PRKG2: variants seen among roughly 807,000 people sequenced by gnomAD.
PRKG2 encodes the protein cGMP-dependent protein kinase 2.
PRKG2 carries 33 observed loss-of-function variants against 97.2 expected under a neutral mutation model. That is an observed-to-expected ratio of 0.34 (90% confidence interval 0.26 to 0.45). The LOEUF (loss-of-function observed/expected upper bound fraction) is 0.45. Among genes scored for constraint, PRKG2 ranks in the 20% least tolerant of loss-of-function variants. PRKG2 has a pLI of 1.00. For missense variants in PRKG2, 638 were observed against 900.0 expected, an observed-to-expected ratio of 0.71 and a Z score of 3.73; for synonymous variants, 330 against 321.8, an observed-to-expected ratio of 1.03 and a Z score of -0.27.
intron 2 of PRKG2, among the ~76,000 whole-genome samples, chr4:81,196,243 G>C (rs1447008251): frequency 6.6e-6 from 1 of 152,178 alleles, no homozygotes; most frequent in Non-Finnish European, 1.5e-5. Context: ...ACCTCTTCCT[G>C]TAGAAAGCTC....
intron 14 of PRKG2, among the ~76,000 whole-genome samples, chr4:81,112,726 G>A (rs558661020): frequency 1.6e-4 from 25 of 152,200 alleles, no homozygotes; most frequent in African/African-American, 5.8e-4. Context: ...TTTCGTCAGC[G>A]GAAACTGGAC....
intron 1 of PRKG2, among the ~76,000 whole-genome samples, chr4:81,213,684 C>T (rs745769233): frequency 6.6e-6 from 1 of 152,004 alleles, no homozygotes; most frequent in South Asian, 2.1e-4. Flanking sequence ...ATATGAAAAA[C>T]GAAAACATGG....
chr4:81,098,386 T>C (rs1178958374), intron 17 of PRKG2, among the ~76,000 whole-genome samples: 1 of 152,160 alleles, frequency 6.6e-6, no homozygotes, highest in Non-Finnish European at 1.5e-5. Flanking sequence ...CCCTGAATAA[T>C]ACATGTGTGT....
At chr4:81,157,255 C>T (rs1749186829) in intron 6 of PRKG2, among the ~76,000 whole-genome samples, 2 of 152,060 alleles carry the variant, frequency 1.3e-5, no homozygotes, top group African/African-American at 4.8e-5. Context: ...GATATCACCA[C>T]CGATCCCACA....
Position 81,144,364 on chromosome 4 carries a change from C to T in PRKG2, c.1155-34G>A. On this transcript the variant is annotated intron_variant, in intron 9 of 18. Coordinates refer to ENST00000264399, the MANE Select transcript of PRKG2 (RefSeq NM_006259.3). ...ATAGAATAAAGTAAAATGCTCCGTG[C>T]TGATAGTTACCAAGGCAACTTGACA... 5.9e-6 allele frequency: 9 copies of T among 1,527,230 alleles called. No homozygotes were observed. The South Asian group carries it at 7.9e-5, about 13-fold the overall frequency. The allele number at this position is 1,527,230 out of a possible 1,614,324, so 94.6% of individuals were successfully genotyped here.
At chr4:81,189,109 C>A (rs2110109287) in intron 2 of PRKG2, among the ~76,000 whole-genome samples, 2 of 36,556 alleles carry the variant, frequency 5.5e-5, no homozygotes, top group Admixed American at 5.2e-4. Flanking sequence ...AGCAATTGCA[C>A]AATGTTTCAG....
At chr4:81,156,506 C>T (rs1397091001) in intron 6 of PRKG2, among the ~76,000 whole-genome samples, 1 of 152,140 alleles carries the variant, frequency 6.6e-6, no homozygotes, top group African/African-American at 2.4e-5. Flanking sequence ...CCACCGTCAA[C>T]ATTAGACAGA....
intron 17 of PRKG2, among the ~76,000 whole-genome samples, chr4:81,098,687 G>A (rs1052610178): frequency 1.3e-5 from 2 of 152,116 alleles, no homozygotes; most frequent in South Asian, 2.1e-4. Flanking sequence ...ATGGGCCATC[G>A]ATAAAGTCAT....
intron 14 of PRKG2, among the ~76,000 whole-genome samples, chr4:81,123,271 T>C (rs140743486): frequency 0.014 from 2,094 of 152,372 alleles, 54 homozygotes; most frequent in African/African-American, 0.048. Flanking sequence ...CATATCACTT[T>C]GGTGAAATTG....
At chr4:81,138,663 G>A (rs929765270) in intron 12 of PRKG2, among the ~76,000 whole-genome samples, 3 of 151,642 alleles carry the variant, frequency 2.0e-5, no homozygotes, top group Non-Finnish European at 4.4e-5. Flanking sequence ...AGCACCTGGT[G>A]TATGTTAATT....
intron 17 of PRKG2, among the ~76,000 whole-genome samples, chr4:81,094,039 T>C (rs1186299594): frequency 6.6e-6 from 1 of 152,140 alleles, no homozygotes; most frequent in African/African-American, 2.4e-5. Flanking sequence ...AACCTTCAAT[T>C]TGTAAAAGAT....
At chr4:81,092,238 G>T in intron 18 of PRKG2, 148 bp downstream of exon 18, 1 of 508,012 alleles carries the variant, frequency 2.0e-6, no homozygotes, top group Non-Finnish European at 3.5e-6. Flanking sequence ...ACAATTATAA[G>T]ACAAACTCAC....
chr4:81,152,826 T>C (rs1748549940), intron 7 of PRKG2, among the ~76,000 whole-genome samples: 1 of 152,220 alleles, frequency 6.6e-6, no homozygotes, highest in African/African-American at 2.4e-5. Flanking sequence ...GTTCCTAGTG[T>C]TGAAGAGTTT....
chr4:81,203,599 T>C (rs1753449484), intron 2 of PRKG2, among the ~76,000 whole-genome samples: 1 of 152,152 alleles, frequency 6.6e-6, no homozygotes, highest in South Asian at 2.1e-4. Flanking sequence ...TTAATTTCAA[T>C]TAATAAATAC....
chr4:81,175,262 C>T lies in PRKG2; in HGVS notation c.462-303G>A, dbSNP rs550484745. On this transcript the variant is annotated intron_variant, in intron 2 of 18. Transcript: ENST00000264399. ...GATCCATAGATGCACTACTAATGGA[C>T]ACATGATTTTTTAGATGGAAAGCAA... 1.7e-3 allele frequency among the ~76,000 whole-genome samples: 257 copies of T among 152,188 alleles called. 3 individuals are homozygous for T. The highest frequency in any genetic ancestry group is 4.4e-3 in the South Asian group (21 of 4,826).
At chr4:81,111,757 G>A (rs1744016472) in intron 14 of PRKG2, among the ~76,000 whole-genome samples, 1 of 152,126 alleles carries the variant, frequency 6.6e-6, no homozygotes, top group East Asian at 1.9e-4. Context: ...TCGAAGCAGT[G>A]TATATGATCA....
intron 18 of PRKG2, 90 bp from the exon 19 acceptor site, chr4:81,089,893 G>A: frequency 9.7e-7 from 1 of 1,033,020 alleles, no homozygotes. Context: ...TCAGAACACT[G>A]ATTTCATACT....
intron 5 of PRKG2, 58 bp from the exon 6 acceptor site, chr4:81,167,282 C>G: frequency 9.3e-7 from 1 of 1,079,690 alleles, no homozygotes; most frequent in Admixed American, 2.7e-5. Context: ...TAAATATACA[C>G]ATATGCAGAT....
chr4:81,198,432 C>T (rs1753095903), intron 2 of PRKG2, among the ~76,000 whole-genome samples: 1 of 152,176 alleles, frequency 6.6e-6, no homozygotes, highest in African/African-American at 2.4e-5. Flanking sequence ...AGTCAGGCTC[C>T]TAAATTCCTC....
Sources: gnomAD v4.1 joint callset for allele counts (sites outside exome capture counted in the v4.1 genomes callset) on GRCh38, gnomAD v4.1.1 for gene constraint, MANE v1.5 for transcripts, NCBI Gene and HGNC (gene_info 2026-07-23, HGNC 2026-07-21) for gene names.